The following HPSE variants were observed in gnomAD, a reference collection of about 807,000 sequenced individuals.
HPSE encodes heparanase.
In HPSE, 48 loss-of-function variants were observed where a neutral mutation model predicts 65.1. The ratio of observed to expected loss-of-function variants is 0.74; its 90% confidence interval spans 0.58 to 0.94. HPSE has a LOEUF of 0.94. HPSE is among the 40% of genes least tolerant of loss of function. The pLI is 0.00. For missense variants in HPSE, 644 were observed against 637.5 expected, an observed-to-expected ratio of 1.01 and a Z score of -0.11; for synonymous variants, 243 against 260.0, an observed-to-expected ratio of 0.93 and a Z score of 0.63.
chr4:83,306,196 C>A lies in HPSE; in HGVS notation c.1206+7G>T. On this transcript the variant is annotated splice_region_variant and intron_variant, in intron 9 of 11. Coordinates refer to ENST00000311412, the MANE Select transcript of HPSE (RefSeq NM_001098540.3). ...CCACTAGAATTAGGAAAATAATGGT[C>A]ACTTACAGGTAAAGGATCGAAGTTT... is the stretch of plus-strand genomic sequence containing the variant. The A allele has an allele frequency of 2.0e-6, 3 of 1,528,960 alleles. No individual in the cohort carries two copies. The South Asian group carries it at 3.4e-5, about 17-fold the overall frequency. The allele number at this position is 1,528,960 out of a possible 1,614,324, so 94.7% of individuals were successfully genotyped here. A position where few individuals can be genotyped will look rare whatever the true frequency, so the allele number is the denominator to read the frequency against.
intron 8 of HPSE, among the ~76,000 whole-genome samples, chr4:83,307,894 A>G (rs1736204511): frequency 6.6e-6 from 1 of 152,198 alleles, no homozygotes; most frequent in African/African-American, 2.4e-5. Context: ...AGAGTTACTA[A>G]ATGTAACTAA....
chr4:83,309,872 A>G lies in HPSE; in HGVS notation c.890+159T>C, dbSNP rs149823919. Among the ~76,000 whole-genome samples the G allele has an allele frequency of 2.1e-3, 321 of 152,270 alleles. 1 individual carries two copies. The highest frequency in any genetic ancestry group is 7.0e-3 in the African/African-American group (292 of 41,566). ...TTTAAAATAACTTTAAATTTTTTTT[A>G]TTAATATTAAAATTGGAGTACAGTG... On this transcript the variant is annotated intron_variant, in intron 6 of 11. Coordinates refer to ENST00000311412, the MANE Select transcript of HPSE (RefSeq NM_001098540.3).
rs145553296 is a variant in HPSE at position 83,295,389 on chromosome 4, A to G, written c.1587T>C (p.Tyr529=). 1.6e-5 allele frequency: 26 copies of G among 1,612,832 alleles called. 1 individual carries two copies. In the Admixed American group the frequency reaches 2.3e-4, roughly 14 times the overall value. Residue 529 remains tyrosine, a synonymous_variant, in exon 12 of 12, where the codon TAT becomes TAC. Transcript: ENST00000311412. ...TGGCATTTCTTATCACAAAAAAACT[A>G]TATGAGAAAGCTGGCAAGCCCAGTG... is the stretch of plus-strand genomic sequence containing the variant. ...GSSLGLPAFS[Y]SFFVIRNAKV...
chr4:83,299,525 A>G (rs933309268), intron 11 of HPSE, among the ~76,000 whole-genome samples: 1 of 151,920 alleles, frequency 6.6e-6, no homozygotes, highest in Admixed American at 6.6e-5. Flanking sequence ...CATAGAGGGG[A>G]AAAAATAAAA....
At chr4:83,310,610 T>C in intron 5 of HPSE, 112 bp downstream of exon 5, 1 of 952,120 alleles carries the variant, frequency 1.1e-6, no homozygotes, top group Non-Finnish European at 1.6e-6. Flanking sequence ...AGGTCGAAGT[T>C]GCAGTGAGCC....
In HPSE at chr4:83,295,236, G is replaced by A; in HGVS notation, c.*108C>T. On this transcript the variant is annotated 3_prime_UTR_variant, in exon 12 of 12. Coordinates refer to ENST00000311412, the MANE Select transcript of HPSE (RefSeq NM_001098540.3). Reference sequence around the variant, plus strand: ...CTGACAGTGTCCCAGTGTCTCTCAAGCACCCACTAGTTGCTTTGCAAGGTA... The same window carrying A: ...CTGACAGTGTCCCAGTGTCTCTCAAACACCCACTAGTTGCTTTGCAAGGTA... 1.1e-6 allele frequency: 1 copy of A among 872,980 alleles called. No individual in the cohort carries two copies. The highest frequency in any genetic ancestry group is 1.8e-6 in the Non-Finnish European group (1 of 563,578). The allele number at this position is 872,980 out of a possible 1,614,324, so 54.1% of individuals were successfully genotyped here. A position where few individuals can be genotyped will look rare whatever the true frequency, so the allele number is the denominator to read the frequency against.
Position 83,308,921 on chromosome 4 carries a change from CCTT to C in HPSE, c.1012_1014del (p.Lys338del). ...GCAGAGCTTGTTTCTCCTAACCAGA[CCTT>C]CTTGCCAGGCCTGGTGCTCTCAACC... On this transcript the variant is annotated inframe_deletion, in exon 8 of 12. Transcript: ENST00000311412. 6.2e-7 allele frequency: 1 copy of C among 1,614,182 alleles called. No homozygotes were observed. The highest frequency in any genetic ancestry group is 2.2e-5 in the East Asian group (1 of 44,878).
rs1736784380 is a variant in HPSE at position 83,319,371 on chromosome 4, T to C, written c.472A>G (p.Lys158Glu). Residue 158 changes from lysine to glutamate, a missense_variant, in exon 3 of 12, where the codon AAA becomes GAA. By Grantham distance (56) the Lys-to-Glu change is moderately conservative (BLOSUM62 1). Coordinates refer to ENST00000311412, the MANE Select transcript of HPSE (RefSeq NM_001098540.3). ...GAGTAGGTGCTGTTCTTGAACTTTT[T>C]CTGGTAGTGTTCTCGGAGTAGCAAT... ...EQLLLREHYQ[K>E]KFKNSTYSRS... is the part of the protein sequence containing the mutation. 6.2e-7 allele frequency: 1 copy of C among 1,614,024 alleles called. No individual in the cohort carries two copies. Among genetic ancestry groups the C allele is most frequent in the East Asian group, 2.2e-5 (1 of 44,870 alleles).
rs562694547 is a variant in HPSE, at chr4:83,334,384, A to G, written c.227+172T>C. On this transcript the variant is annotated intron_variant, in intron 1 of 11. Transcript: ENST00000311412. ...CCCCCAAAAAGCAGTTTGGGGTCTG[A>G]GAGTAAGGGAGGGAGAGGGAGAATG... is the stretch of plus-strand genomic sequence containing the variant. Among the ~76,000 whole-genome samples the G allele has an allele frequency of 4.6e-5, 7 of 151,928 alleles. No homozygotes were observed. In the South Asian group the frequency reaches 1.5e-3, roughly 32 times the overall value.
chr4:83,310,235 C>T (rs1347995750), intron 5 of HPSE, among the ~76,000 whole-genome samples, 157 bp from the exon 6 acceptor site: 3 of 152,152 alleles, frequency 2.0e-5, no homozygotes, highest in South Asian at 2.1e-4. Flanking sequence ...TCATAGGTGA[C>T]ATTTGCCTCA....
At position 83,293,889 on chromosome 4, in the gene HPSE, G is replaced by A. The variant is rs547349039; in HGVS notation, c.*1455C>T. 2.0e-5 allele frequency: 3 copies of A among 152,238 alleles called. No individual in the cohort carries two copies. In the East Asian group the frequency reaches 5.8e-4, roughly 29 times the overall value. 9.4% of individuals were successfully genotyped at this position (152,238 alleles called of 1,614,324 possible). On this transcript the variant is annotated 3_prime_UTR_variant, in exon 12 of 12. Coordinates refer to ENST00000311412, the MANE Select transcript of HPSE (RefSeq NM_001098540.3). ...GTTTCTCTTTTACAACCAGTTTCAC[G>A]GTAACGGCAGTATGCTTTTTCTGAT... is the stretch of plus-strand genomic sequence containing the variant.
intron 3 of HPSE, among the ~76,000 whole-genome samples, chr4:83,314,271 A>G (rs888232080): frequency 7.4e-5 from 4 of 53,836 alleles, no homozygotes; most frequent in Admixed American, 1.5e-4. Context: ...AAAAAAAACA[A>G]AAAAACAAAC....
rs993235080 is a variant in HPSE, at chr4:83,326,354, C to T, written c.228-3990G>A. Among the ~76,000 whole-genome samples the T allele has an allele frequency of 6.6e-6, 1 of 152,130 alleles. No homozygotes were observed. Among genetic ancestry groups the T allele is most frequent in the Admixed American group, 6.5e-5 (1 of 15,268 alleles). ...GGATTATAGGCATGAGCTATTGTAC[C>T]TGGCCTAGATTTGATTATTAATTGG... On this transcript the variant is annotated intron_variant, in intron 1 of 11. Transcript: ENST00000311412. This position sits in a 1 kb window ranked among gnomAD's most constrained non-coding sequence, Gnocchi z 4.2.
rs1300169933 is a variant in HPSE at position 83,309,463 on chromosome 4, T to C, written c.923A>G (p.Glu308Gly). 1.3e-6 allele frequency: 2 copies of C among 1,589,494 alleles called. No homozygotes were observed. Among genetic ancestry groups the C allele is most frequent in the Admixed American group, 3.4e-5 (2 of 58,592 alleles). Residue 308 changes from glutamate (E) to glycine (G), a missense_variant, in exon 7 of 12, where the codon GAA becomes GGA. Glu to Gly is a moderately conservative substitution (Grantham distance 98, BLOSUM62 -2). Transcript: ENST00000311412. ...YYLNGRTATK[E>G]DFLNPDVLDI... Reference sequence around the variant, plus strand: ...CAATACATCAGGGTTTAGAAAATCTTCCTTGGTAGCAGTCCGTCCATTCAA... The same window carrying C: ...CAATACATCAGGGTTTAGAAAATCTCCCTTGGTAGCAGTCCGTCCATTCAA...
chr4:83,317,291 G>T (rs1222843991), intron 3 of HPSE, among the ~76,000 whole-genome samples: 2 of 152,134 alleles, frequency 1.3e-5, no homozygotes, highest in African/African-American at 4.8e-5. Context: ...TTTGTGGTAT[G>T]TCCCCATGTC....
At chr4:83,299,793 C>A (rs543676960) in intron 11 of HPSE, among the ~76,000 whole-genome samples, 1 of 152,100 alleles carries the variant, frequency 6.6e-6, no homozygotes, top group South Asian at 2.1e-4. Context: ...AGCCATGACC[C>A]CCCTGGGCTC....
chr4:83,334,769 G>A lies in HPSE; in HGVS notation c.14C>T (p.Ser5Leu). 2 of 1,546,700 alleles carry A rather than the reference G, an allele frequency of 1.3e-6. No homozygotes were observed. The highest frequency in any genetic ancestry group is 3.9e-5 in the Admixed American group (2 of 50,862). MLLRSKPALPPPLML... is the reference protein window; with the variant it reads MLLRLKPALPPPLML... ...CAGCGGCGGCGGCAGCGCAGGCTTC[G>A]AGCGCAGCAGCATCTTGGGCTCACC... is the stretch of plus-strand genomic sequence containing the variant. The change falls in exon 1 of 12, where the codon TCG (serine) becomes TTG (leucine). Residue 5 changes from serine (S) to leucine (L), a missense_variant. Coordinates refer to ENST00000311412, the MANE Select transcript of HPSE (RefSeq NM_001098540.3).
intron 1 of HPSE, among the ~76,000 whole-genome samples, chr4:83,324,368 T>C (rs1737057483): frequency 6.6e-6 from 1 of 152,166 alleles, no homozygotes; most frequent in South Asian, 2.1e-4. Context: ...CATGCTTAAT[T>C]AAATATGTAT....
intron 8 of HPSE, 45 bp downstream of exon 8, chr4:83,308,800 G>T: frequency 2.1e-6 from 3 of 1,397,426 alleles, no homozygotes; most frequent in Non-Finnish European, 3.0e-6. Flanking sequence ...GAAGGATGGA[G>T]AAGAGCTGCA....
Sources: gnomAD v4.1 joint callset for allele counts (sites outside exome capture counted in the v4.1 genomes callset) on GRCh38, gnomAD v4.1.1 for gene constraint, Gnocchi (gnomAD v3.1) non-coding constraint, MANE v1.5 for transcripts, NCBI Gene and HGNC (gene_info 2026-07-23, HGNC 2026-07-21) for gene names.